ZNF85: variants seen among roughly 807,000 people sequenced by gnomAD.
ZNF85 encodes zinc finger protein 85 (HPF4, HTF1).
Under a neutral mutation model 53.9 loss-of-function variants are expected in ZNF85, and 50 were observed. The ratio of observed to expected loss-of-function variants is 0.93; its 90% CI spans 0.74 to 1.17. ZNF85 has a LOEUF of 1.17. ZNF85 is among the 50% of genes most tolerant of loss of function. The pLI is 0.00. For synonymous variants in ZNF85, 225 were observed against 226.1 expected (o/e 1.00, Z 0.04); for missense variants, 747 against 688.5 (o/e 1.08, Z -0.95).
In ZNF85 at chr19:20,950,511, A is replaced by T. The variant is rs970281751; in HGVS notation, c.*209A>T. 14 of 429,634 alleles carry T rather than the reference A, an allele frequency of 3.3e-5. No individual in the cohort carries two copies. Among genetic ancestry groups the T allele is most frequent in the Middle Eastern group, 6.2e-4 (1 of 1,610 alleles). 26.6% of individuals were successfully genotyped at this position (429,634 alleles called of 1,614,324 possible). On this transcript the variant is annotated 3_prime_UTR_variant, in exon 4 of 4. Transcript: ENST00000328178. The stretch of plus-strand genomic sequence containing the variant: ...TGTCACACTTTAGGTAAGATAATTC[A>T]TATTGGAACAAACTACAAGTGCAAA...
intron 3 of ZNF85, among the ~76,000 whole-genome samples, chr19:20,940,349 A>G (rs1973266533): frequency 6.6e-6 from 1 of 152,136 alleles, no homozygotes; most frequent in African/African-American, 2.4e-5. Flanking sequence ...ACCCTGGGCA[A>G]CATATGGAGA....
At chr19:20,932,098 G>T (rs1272477043) in intron 1 of ZNF85, among the ~76,000 whole-genome samples, 1 of 152,148 alleles carries the variant, frequency 6.6e-6, no homozygotes, top group Non-Finnish European at 1.5e-5. Context: ...CTGTGGGTCT[G>T]GTGGTAGCAG....
Position 20,950,498 on chromosome 19 carries a change from G to C in ZNF85, c.*196G>C, listed in dbSNP as rs1357042067. The stretch of plus-strand genomic sequence containing the variant: ...GTCTTTAAATGGTTGTCACACTTTA[G>C]GTAAGATAATTCATATTGGAACAAA... On this transcript the variant is annotated 3_prime_UTR_variant, in exon 4 of 4. Transcript: ENST00000328178. 2.3e-6 allele frequency: 1 copy of C among 443,430 alleles called. No homozygotes were observed. The highest frequency in any genetic ancestry group is 2.1e-5 in the African/African-American group (1 of 46,644). The allele number at this position is 443,430 out of a possible 1,614,324, so 27.5% of individuals were successfully genotyped here. A position where few individuals can be genotyped will look rare whatever the true frequency, so the allele number is the denominator to read the frequency against.
intron 3 of ZNF85, among the ~76,000 whole-genome samples, chr19:20,941,113 G>A (rs12162258): frequency 0.13 from 19,044 of 152,108 alleles, 1,229 homozygotes; most frequent in South Asian, 0.15. Flanking sequence ...TTTTCCACCA[G>A]TTAGTATGAG....
chr19:20,932,135 A>G (rs1311033603), intron 1 of ZNF85, among the ~76,000 whole-genome samples: 2 of 152,200 alleles, frequency 1.3e-5, no homozygotes, highest in East Asian at 3.8e-4. Context: ...GACATCTTTA[A>G]AGACATATTC....
chr19:20,946,930 C>T (rs73021506), intron 3 of ZNF85, among the ~76,000 whole-genome samples: 17,106 of 151,256 alleles, frequency 0.11, 997 homozygotes, highest in Middle Eastern at 0.13. Flanking sequence ...AAAAAGTTAA[C>T]TTTATGTATA....
At position 20,950,019 on chromosome 19, in the gene ZNF85, T is replaced by A. The variant is rs1295371570; in HGVS notation, c.1505T>A (p.Ile502Lys). 1.2e-6 allele frequency: 2 copies of A among 1,612,198 alleles called. No individual in the cohort carries two copies. The change falls in exon 4 of 4, where the codon ATA (isoleucine) becomes AAA (lysine). Residue 502 changes from isoleucine (I) to lysine (K), a missense_variant. By Grantham distance (102) the Ile-to-Lys change is moderately radical (BLOSUM62 -3). Coordinates refer to ENST00000328178, the MANE Select transcript of ZNF85 (RefSeq NM_003429.5). ...CCCTCAACCCTTACTATCCATAAGA[T>A]AATTCATACTGGAGAGAAACCATAC... The part of the protein sequence containing the change: ...KWPSTLTIHK[I>K]IHTGEKPYKC...
At chr19:20,944,472 AG>A (rs1288961245) in intron 3 of ZNF85, among the ~76,000 whole-genome samples, 3 of 145,306 alleles carry the variant, frequency 2.1e-5, no homozygotes, top group Non-Finnish European at 3.0e-5. Context: ...TATAATTAGT[AG>A]TATAATTATT....
At chr19:20,933,768 C>G (rs573693503) in intron 1 of ZNF85, among the ~76,000 whole-genome samples, 2 of 152,154 alleles carry the variant, frequency 1.3e-5, no homozygotes, top group South Asian at 4.1e-4. Flanking sequence ...CATGTATACA[C>G]TGGTATTGTG....
At chr19:20,942,462 A>G (rs1318968414) in intron 3 of ZNF85, among the ~76,000 whole-genome samples, 1 of 152,110 alleles carries the variant, frequency 6.6e-6, no homozygotes, top group African/African-American at 2.4e-5. Flanking sequence ...TAAATCAGGA[A>G]GTATAATGCC....
chr19:20,943,622 G>A (rs767264736), intron 3 of ZNF85: 5 of 152,022 alleles, frequency 3.3e-5, no homozygotes, highest in East Asian at 1.9e-4. Context: ...ATTCTGTAAC[G>A]TTGTCTAAGT....
chr19:20,928,813 T>A (rs1972939169), intron 1 of ZNF85: 1 of 152,150 alleles, frequency 6.6e-6, no homozygotes, highest in Non-Finnish European at 1.5e-5. Flanking sequence ...CCGGGACCGC[T>A]GTCTGTAGCA....
chr19:20,948,833 TGTA>T lies in ZNF85; in HGVS notation c.321_323del (p.Cys107_Arg108delinsTer). 6.2e-7 allele frequency: 1 copy of T among 1,612,782 alleles called. No homozygotes were observed. Among genetic ancestry groups the T allele is most frequent in the Non-Finnish European group, 8.5e-7 (1 of 1,179,576 alleles). ...AGTGACACTGAAAAGATATGGAAAA[TGTA>T]GACATGAAAATTTACCATTAAGAAA... is the stretch of plus-strand genomic sequence containing the variant. On this transcript the variant is annotated stop_gained and inframe_deletion, in exon 4 of 4. Coordinates refer to ENST00000328178, the MANE Select transcript of ZNF85 (RefSeq NM_003429.5). LOFTEE classifies it high-confidence loss of function.
intron 1 of ZNF85, chr19:20,926,973 G>C (rs1972894731): frequency 6.6e-6 from 1 of 151,970 alleles, no homozygotes; most frequent in Admixed American, 6.6e-5. Flanking sequence ...TAAAAGATTA[G>C]AAAAAAGGTG....
In ZNF85 at chr19:20,934,920, A is replaced by G. The variant is rs773037195; in HGVS notation, c.131-29A>G. The G allele has an allele frequency of 5.9e-6, 9 of 1,514,458 alleles. No individual in the cohort carries two copies. In the African/African-American group the frequency reaches 1.3e-4, roughly 21 times the overall value. 93.8% of individuals were successfully genotyped at this position (1,514,458 alleles called of 1,614,324 possible). A position where few individuals can be genotyped will look rare whatever the true frequency, so the allele number is the denominator to read the frequency against. On this transcript the variant is annotated intron_variant, in intron 2 of 3. Transcript: ENST00000328178. ...TTGGTCATTAGAGAATATGAGCAAG[A>G]TTTATATTATTTATTTTTAATAAAA...
In ZNF85 at chr19:20,949,336, T is replaced by C. The variant is rs1973508121; in HGVS notation, c.822T>C (p.Thr274=). 1.2e-6 allele frequency: 2 copies of C among 1,609,006 alleles called. No individual in the cohort carries two copies. The highest frequency in any genetic ancestry group is 2.2e-5 in the East Asian group (1 of 44,760). The stretch of plus-strand genomic sequence containing the variant: ...CTTTTAACCGATTCTCAACTCTTAC[T>C]ACCCATAAGATAATTCATACTGGAG... ...GKTFNRFSTL[T]THKIIHTGEK... is the part of the protein sequence containing the mutation. The change falls in exon 4 of 4, where the codon ACT becomes ACC. Residue 274 remains threonine, a synonymous_variant. Transcript: ENST00000328178.
chr19:20,923,948 C>T (rs1972820884), intron 1 of ZNF85, among the ~76,000 whole-genome samples: 1 of 152,002 alleles, frequency 6.6e-6, no homozygotes, highest in Admixed American at 6.6e-5. Context: ...AGCCGGGCGT[C>T]GTGGCGCGCG....
At chr19:20,926,765 G>A (rs1972889562) in intron 1 of ZNF85, 1 of 152,128 alleles carries the variant, frequency 6.6e-6, no homozygotes, top group Non-Finnish European at 1.5e-5. Context: ...AGGAAACTGG[G>A]AGGGTCTCAC....
At chr19:20,930,120 CAAAA>C (rs57832039) in intron 1 of ZNF85, among the ~76,000 whole-genome samples, 8 of 79,270 alleles carry the variant, frequency 1.0e-4, no homozygotes, top group Admixed American at 3.7e-4. Context: ...GACTCCGTCC[CAAAA>C]AAAAAAAAAA....
Sources: allele counts gnomAD v4.1 joint callset (sites outside exome capture counted in the v4.1 genomes callset), GRCh38; gene constraint gnomAD v4.1.1; transcripts MANE v1.5; gene names NCBI Gene and HGNC (gene_info 2026-07-23, HGNC 2026-07-21).